Variants in MACROD2 observed in about 807,000 individuals in gnomAD.
MACROD2 encodes the protein ADP-ribose glycohydrolase MACROD2.
Under a neutral mutation model 70.4 loss-of-function variants are expected in MACROD2, and 36 were observed. The ratio of observed to expected loss-of-function variants is 0.51; its 90% confidence interval spans 0.39 to 0.68. MACROD2 has a LOEUF of 0.68. Ranked by LOEUF, MACROD2 falls within the 30% of genes least tolerant of loss-of-function variation. The pLI is 0.00. For missense variants in MACROD2, 496 were observed against 538.4 expected, an observed-to-expected ratio of 0.92 and a Z score of 0.78; for synonymous variants, 172 against 178.8, an observed-to-expected ratio of 0.96 and a Z score of 0.30.
chr20:15,018,272 G>T lies in MACROD2; in HGVS notation c.419-211668G>T, dbSNP rs575334234. Among the ~76,000 whole-genome samples, 24 of 152,100 alleles carry T rather than the reference G, an allele frequency of 1.6e-4. 1 individual carries two copies. Among genetic ancestry groups the T allele is most frequent in the Admixed American group, 5.2e-4 (8 of 15,260 alleles). On this transcript the variant is annotated intron_variant, in intron 5 of 17. Transcript: ENST00000684519. ...ACCTTTAGGGTAGGGGCAAAATGCC[G>T]CCAGACTCTTTGCCAAAACATAACA...
At chr20:15,287,293 A>G (rs890289201) in intron 6 of MACROD2, among the ~76,000 whole-genome samples, 3 of 152,168 alleles carry the variant, frequency 2.0e-5, no homozygotes, top group African/African-American at 7.2e-5. Context: ...ACTTTTTTTG[A>G]CTGTGAACAA....
chr20:16,051,964 A>C lies in MACROD2; in HGVS notation c.*2088A>C, dbSNP rs1469930959. 1 of 152,208 alleles carries C rather than the reference A, an allele frequency of 6.6e-6. No individual in the cohort carries two copies. Among genetic ancestry groups the C allele is most frequent in the Non-Finnish European group, 1.5e-5 (1 of 68,040 alleles). 9.4% of individuals were successfully genotyped at this position (152,208 alleles called of 1,614,324 possible). ...ATCCAGCCCTGGCATTCTCCTTATC[A>C]TCAATGACAGTCATTTTATTCATTT... is the stretch of plus-strand genomic sequence containing the variant. On this transcript the variant is annotated 3_prime_UTR_variant, in exon 18 of 18. Coordinates refer to ENST00000684519, the MANE Select transcript of MACROD2 (RefSeq NM_001351661.2).
At chr20:15,009,077 G>C (rs1472990839) in intron 5 of MACROD2, among the ~76,000 whole-genome samples, 1 of 152,088 alleles carries the variant, frequency 6.6e-6, no homozygotes, top group Non-Finnish European at 1.5e-5. Context: ...GAGGCAGTTG[G>C]ATCCTGCTCC....
chr20:15,984,619 A>G (rs900073436), intron 13 of MACROD2, among the ~76,000 whole-genome samples: 10 of 141,540 alleles, frequency 7.1e-5, no homozygotes, highest in Non-Finnish European at 1.3e-4. Flanking sequence ...CTCTTTTTAC[A>G]TAAATTTTGC....
intron 3 of MACROD2, among the ~76,000 whole-genome samples, chr20:14,369,694 T>C (rs1257623855): frequency 6.6e-6 from 1 of 152,224 alleles, no homozygotes; most frequent in African/African-American, 2.4e-5. Flanking sequence ...CGTTGAATAC[T>C]ATTTCCTATT....
At chr20:14,864,283 C>T (rs1452401065) in intron 5 of MACROD2, among the ~76,000 whole-genome samples, 2 of 152,012 alleles carry the variant, frequency 1.3e-5, no homozygotes, top group Non-Finnish European at 1.5e-5. Context: ...CCAGAGAAAG[C>T]AACCTGACTT....
intron 5 of MACROD2, among the ~76,000 whole-genome samples, chr20:15,170,543 C>G (rs558944090): frequency 1.3e-5 from 2 of 152,228 alleles, no homozygotes; most frequent in African/African-American, 4.8e-5. Flanking sequence ...TGGCTGTGCA[C>G]AGGGAGAGTT....
chr20:14,903,816 A>G (rs1408001864), intron 5 of MACROD2, among the ~76,000 whole-genome samples: 2 of 152,112 alleles, frequency 1.3e-5, no homozygotes, highest in East Asian at 1.9e-4. Flanking sequence ...AGGCTTTCCC[A>G]CTATCAGTGT....
At chr20:15,704,405 A>G (rs190049157) in intron 8 of MACROD2, among the ~76,000 whole-genome samples, 10 of 152,302 alleles carry the variant, frequency 6.6e-5, no homozygotes, top group African/African-American at 4.8e-5. Flanking sequence ...TACTACTACA[A>G]AAACCTGCAT....
chr20:14,198,477 C>G (rs116975175), intron 3 of MACROD2, among the ~76,000 whole-genome samples: 1 of 152,116 alleles, frequency 6.6e-6, no homozygotes, highest in Non-Finnish European at 1.5e-5. Flanking sequence ...TCTTATTATT[C>G]GGTTAGAAAC....
chr20:15,437,943 A>C (rs2046447643), intron 7 of MACROD2, among the ~76,000 whole-genome samples: 2 of 151,968 alleles, frequency 1.3e-5, no homozygotes, highest in South Asian at 4.2e-4. Context: ...GCTATTGTGA[A>C]TAGTGCTGCA....
intron 4 of MACROD2, among the ~76,000 whole-genome samples, chr20:14,549,861 G>A (rs778976755): frequency 1.1e-4 from 17 of 151,680 alleles, no homozygotes; most frequent in Non-Finnish European, 4.4e-5. Context: ...TAGTATTACT[G>A]ACACATTGAT....
intron 1 of MACROD2, among the ~76,000 whole-genome samples, chr20:13,999,761 C>G (rs1181734806): frequency 6.6e-6 from 1 of 152,224 alleles, no homozygotes; most frequent in African/African-American, 2.4e-5. Context: ...TCAAACAGCT[C>G]TGTTAACCAC....
intron 17 of MACROD2, 22 bp downstream of exon 17, chr20:16,044,661 G>A: frequency 6.3e-7 from 1 of 1,592,028 alleles, no homozygotes; most frequent in Non-Finnish European, 8.6e-7. Flanking sequence ...CTTGTGGTGA[G>A]ATTTTCAATG....
At chr20:15,606,952 A>T (rs2048902126) in intron 8 of MACROD2, among the ~76,000 whole-genome samples, 1 of 151,688 alleles carries the variant, frequency 6.6e-6, no homozygotes. Context: ...CCATGAGCCA[A>T]GATCGCACCA....
chr20:14,099,632 A>G (rs1481278078), intron 3 of MACROD2, among the ~76,000 whole-genome samples: 1 of 152,158 alleles, frequency 6.6e-6, no homozygotes, highest in African/African-American at 2.4e-5. Context: ...ACTGCAATGA[A>G]CATGGTAACA....
chr20:15,883,401 T>C (rs1380318388), intron 9 of MACROD2, among the ~76,000 whole-genome samples: 1 of 152,078 alleles, frequency 6.6e-6, no homozygotes, highest in Admixed American at 6.6e-5. Context: ...TTCTAAGAAA[T>C]TGGTATTCTT....
At chr20:15,511,146 G>A (rs73897644) in intron 8 of MACROD2, among the ~76,000 whole-genome samples, 3,590 of 152,278 alleles carry the variant, frequency 0.024, 132 homozygotes, top group African/African-American at 0.08. Flanking sequence ...GGGCACCAGG[G>A]CAAGTGATGG....
intron 10 of MACROD2, among the ~76,000 whole-genome samples, chr20:15,902,517 C>T (rs2065079653): frequency 6.6e-6 from 1 of 152,086 alleles, no homozygotes; most frequent in Admixed American, 6.5e-5. Flanking sequence ...CTCGGAGTTT[C>T]TGTCAGTCAG....
Sources: allele counts gnomAD v4.1 joint callset (sites outside exome capture counted in the v4.1 genomes callset), GRCh38; gene constraint gnomAD v4.1.1; transcripts MANE v1.5; gene names NCBI Gene and HGNC (gene_info 2026-07-23, HGNC 2026-07-21).